Variants in MARCHF1 observed in about 807,000 individuals in gnomAD.
The protein encoded by MARCHF1 is membrane associated ring-CH-type finger 1, also known as E3 ubiquitin-protein ligase MARCHF1.
In MARCHF1, 40 loss-of-function variants were observed where a neutral mutation model predicts 54.2. The ratio of observed to expected loss-of-function variants is 0.74; its 90% confidence interval spans 0.57 to 0.96. MARCHF1 has a LOEUF of 0.96. Among genes scored for constraint, MARCHF1 ranks in the 40% least tolerant of loss-of-function variants. The pLI, the probability that MARCHF1 is intolerant of heterozygous loss-of-function variation, is 0.00. For synonymous variants in MARCHF1, 236 were observed against 236.3 expected, an observed-to-expected ratio of 1.00 and a Z score of 0.01; for missense variants, 586 against 656.5, an observed-to-expected ratio of 0.89 and a Z score of 1.17.
At chr4:163,852,114 T>C (rs953016523) in intron 4 of MARCHF1, among the ~76,000 whole-genome samples, 1 of 152,092 alleles carries the variant, frequency 6.6e-6, no homozygotes, top group Non-Finnish European at 1.5e-5. Flanking sequence ...GTGAAGAAAA[T>C]GTCATCAAGA....
chr4:163,752,470 T>C (rs1561058308), intron 4 of MARCHF1, among the ~76,000 whole-genome samples: 1 of 152,192 alleles, frequency 6.6e-6, no homozygotes, highest in Non-Finnish European at 1.5e-5. Flanking sequence ...TTTCACTGTT[T>C]AGTAGTTGTG....
At chr4:163,736,901 A>G (rs554928459) in intron 4 of MARCHF1, among the ~76,000 whole-genome samples, 10 of 152,124 alleles carry the variant, frequency 6.6e-5, no homozygotes, top group Non-Finnish European at 1.3e-4. Flanking sequence ...ATTCCATATC[A>G]TTTTTTAGTT....
rs1446787882 is a variant in MARCHF1 at position 163,733,191 on chromosome 4, A to G, written c.112-32328T>C. ...TCTGTATGTGTGTATATATATATAT[A>G]TATATATATATATATATATATATAT... On this transcript the variant is annotated intron_variant, in intron 4 of 9. Transcript: ENST00000514618. Among the ~76,000 whole-genome samples the G allele has an allele frequency of 2.5e-3, 57 of 23,022 alleles. 2 individuals carry two copies. Among genetic ancestry groups the G allele is most frequent in the African/African-American group, 3.3e-3 (24 of 7,272 alleles). The allele number at this position is 23,022 out of a possible 152,430, so 15.1% of individuals were successfully genotyped here.
chr4:163,873,241 GT>G (rs1170888094), intron 3 of MARCHF1, among the ~76,000 whole-genome samples: 2 of 152,166 alleles, frequency 1.3e-5, no homozygotes, highest in African/African-American at 4.8e-5. Context: ...GCTCTAGCTA[GT>G]TTACACCTCA....
At chr4:163,874,578 C>T (rs1750249621) in intron 3 of MARCHF1, among the ~76,000 whole-genome samples, 2 of 151,990 alleles carry the variant, frequency 1.3e-5, no homozygotes, top group African/African-American at 4.8e-5. Flanking sequence ...GAAAATCAAG[C>T]TTAAGAATTA....
Position 164,325,333 on chromosome 4 carries a change from T to TTATATATATATA in MARCHF1, c.-323+58525_-323+58536dup, listed in dbSNP as rs58385154. On this transcript the variant is annotated intron_variant, in intron 1 of 9. Coordinates refer to ENST00000514618, the MANE Select transcript of MARCHF1 (RefSeq NM_001394959.1). Reference sequence around the variant, plus strand: ...GGACCAGTGAGTTGGTAGACAGAAATTATATATATATATATATATATATTT... The same window carrying TTATATATATATA: ...GGACCAGTGAGTTGGTAGACAGAAATTATATATATATATATATATATATATATATATATATTT... 8.6e-4 allele frequency among the ~76,000 whole-genome samples: 119 copies of TTATATATATATA among 138,456 alleles called. 4 individuals carry two copies. Among genetic ancestry groups the TTATATATATATA allele is most frequent in the East Asian group, 5.4e-3 (23 of 4,234 alleles). 90.8% of individuals were successfully genotyped at this position (138,456 alleles called of 152,430 possible). A position where few individuals can be genotyped will look rare whatever the true frequency, so the allele number is the denominator to read the frequency against.
chr4:164,313,348 C>CAAAAAAA (rs553280791), intron 1 of MARCHF1, among the ~76,000 whole-genome samples: 2,194 of 80,006 alleles, frequency 0.027, 52 homozygotes, highest in South Asian at 0.065. Context: ...GACTCTGTCT[C>CAAAAAAA]AAAAAAAAAA....
Position 163,528,758 on chromosome 4 carries a change from A to T in MARCHF1, c.1628T>A (p.Val543Glu). Residue 543 changes from valine to glutamate, a missense_variant, in exon 10 of 10, where the codon GTA (valine) becomes GAA (glutamate). Val to Glu is a moderately radical substitution (Grantham distance 121, BLOSUM62 -2). Transcript: ENST00000514618. ...PSAEGGPPEV[V>E]SV ...TCCCAACAGGTTCCATCAGACTGAT[A>T]CAACTTCAGGGGGGCCACCCTCTGC... 6.2e-7 allele frequency: 1 copy of T among 1,609,792 alleles called. No individual in the cohort carries two copies. Among genetic ancestry groups the T allele is most frequent in the Non-Finnish European group, 8.5e-7 (1 of 1,177,336 alleles).
At chr4:163,834,904 T>C (rs6844907) in intron 4 of MARCHF1, among the ~76,000 whole-genome samples, 149,018 of 152,020 alleles carry the variant, frequency 0.98, 73,092 homozygotes, top group Middle Eastern at 1. Flanking sequence ...TTTTTAGAGA[T>C]GGGGTCTTGT....
At chr4:163,570,122 C>T (rs566262129) in intron 8 of MARCHF1, among the ~76,000 whole-genome samples, 5 of 152,208 alleles carry the variant, frequency 3.3e-5, no homozygotes, top group African/African-American at 7.2e-5. Flanking sequence ...GATGGCCATA[C>T]ATTCTGAATG....
Position 164,230,989 on chromosome 4 carries a change from A to G in MARCHF1, c.-322-119327T>C, listed in dbSNP as rs190414047. ...GGGAACAATAGATATGTAAAAATAG[A>G]ACACAAATGCTCAAGAAATCCTTTC... On this transcript the variant is annotated intron_variant, in intron 1 of 9. Transcript: ENST00000514618. Among the ~76,000 whole-genome samples, 28 of 152,272 alleles carry G rather than the reference A, an allele frequency of 1.8e-4. No individual in the cohort carries two copies. The East Asian group carries it at 3.7e-3, about 20-fold the overall frequency.
chr4:164,197,347 G>A (rs766724008), intron 1 of MARCHF1: 1 of 1,612,518 alleles, frequency 6.2e-7, no homozygotes, highest in Non-Finnish European at 8.5e-7. Flanking sequence ...GTTCAGGTTG[G>A]TTACCTCGCA....
At chr4:163,793,786 T>G (rs949590136) in intron 4 of MARCHF1, among the ~76,000 whole-genome samples, 1 of 152,170 alleles carries the variant, frequency 6.6e-6, no homozygotes, top group Admixed American at 6.5e-5. Flanking sequence ...TACCGGTGCA[T>G]GCAGCCCCCA....
chr4:163,800,599 T>C (rs72995267), intron 4 of MARCHF1, among the ~76,000 whole-genome samples: 2 of 152,132 alleles, frequency 1.3e-5, no homozygotes, highest in African/African-American at 2.4e-5. Flanking sequence ...ATAAACAAAA[T>C]TGTATGGTAT....
In MARCHF1 at chr4:163,742,756, G is replaced by A. The variant is rs147670154; in HGVS notation, c.112-41893C>T. ...ACCTCCCAGTGTGTTGGAATTATGG[G>A]TACGCCCAGTACTGGAATACCAAAG... On this transcript the variant is annotated intron_variant, in intron 4 of 9. Transcript: ENST00000514618. 3.0e-4 allele frequency among the ~76,000 whole-genome samples: 45 copies of A among 152,196 alleles called. No individual in the cohort carries two copies. In the East Asian group the frequency reaches 7.0e-3, roughly 24 times the overall value.
chr4:164,174,899 TTTTTG>T (rs1326331446), intron 1 of MARCHF1, among the ~76,000 whole-genome samples: 4 of 152,162 alleles, frequency 2.6e-5, no homozygotes, highest in Admixed American at 6.6e-5. Context: ...AAGAGAGTTT[TTTTTG>T]TTTTGTTTTG....
intron 3 of MARCHF1, among the ~76,000 whole-genome samples, chr4:163,934,231 G>T (rs1397729639): frequency 6.6e-6 from 1 of 151,968 alleles, no homozygotes; most frequent in Non-Finnish European, 1.5e-5. Flanking sequence ...CTATGTAACA[G>T]CAGAGCAACA....
At chr4:163,536,308 T>A (rs145759331) in intron 9 of MARCHF1, among the ~76,000 whole-genome samples, 85 of 152,244 alleles carry the variant, frequency 5.6e-4, no homozygotes, top group Non-Finnish European at 1.0e-3. Context: ...CTAGCAGCTG[T>A]TCCTTATACA....
chr4:163,942,635 T>C (rs1751935969), intron 3 of MARCHF1, among the ~76,000 whole-genome samples: 1 of 152,168 alleles, frequency 6.6e-6, no homozygotes, highest in African/African-American at 2.4e-5. Flanking sequence ...TGGTAGAATA[T>C]AGCATGATAA....
Sources: gnomAD v4.1 joint callset for allele counts (sites outside exome capture counted in the v4.1 genomes callset) on GRCh38, gnomAD v4.1.1 for gene constraint, MANE v1.5 for transcripts, NCBI Gene and HGNC (gene_info 2026-07-23, HGNC 2026-07-21) for gene names.